Variants in CCDC88C observed in about 807,000 individuals in gnomAD.
CCDC88C encodes protein Daple.
Under a neutral mutation model 198.8 loss-of-function variants are expected in CCDC88C, and 131 were observed. The observed-to-expected ratio is 0.66, with a 90% CI of 0.57 to 0.76. CCDC88C has a LOEUF of 0.76. Among genes scored for constraint, CCDC88C ranks in the 30% least tolerant of loss-of-function variants. The pLI, the probability that CCDC88C is intolerant of heterozygous loss-of-function variation, is 0.00. For synonymous variants in CCDC88C, 1,166 were observed against 1,114.7 expected, an observed-to-expected ratio of 1.05 and a Z score of -0.92; for missense variants, 2,553 against 2,631.6, an observed-to-expected ratio of 0.97 and a Z score of 0.65.
At chr14:91,290,951 C>G in intron 24 of CCDC88C, 44 bp downstream of exon 24, 1 of 1,235,796 alleles carries the variant, frequency 8.1e-7, no homozygotes, top group Non-Finnish European at 1.2e-6. Context: ...GAAAAGGAAG[C>G]TTTTAAGTTC....
rs1893085397 is a variant in CCDC88C at position 91,337,196 on chromosome 14, C to G, written c.1050+809G>C. 2.6e-5 allele frequency among the ~76,000 whole-genome samples: 4 copies of G among 152,288 alleles called. No homozygotes were observed. The South Asian group carries it at 8.3e-4, about 32-fold the overall frequency. On this transcript the variant is annotated intron_variant, in intron 10 of 29. Transcript: ENST00000389857. Reference sequence around the variant, plus strand: ...CACCTGGGTCTGGGTCTCCATGTAGCCTTGACCCTTTCACCTACATTTTTC... The same window carrying G: ...CACCTGGGTCTGGGTCTCCATGTAGGCTTGACCCTTTCACCTACATTTTTC...
At chr14:91,362,322 C>A (rs1019891548) in intron 3 of CCDC88C, among the ~76,000 whole-genome samples, 7 of 152,128 alleles carry the variant, frequency 4.6e-5, no homozygotes, top group Non-Finnish European at 1.0e-4. Flanking sequence ...CAGCCACAAT[C>A]CCCTTTCCAA....
rs527620427 is a variant in CCDC88C at position 91,273,408 on chromosome 14, C to T, written c.5304G>A (p.Pro1768=). ...GGCTCTGGGGAGGCTGGGCCTGTCTCGGGGCCACGCTGGGTGGGGCCTCGG... is the reference window on the plus strand; with the variant it reads ...GGCTCTGGGGAGGCTGGGCCTGTCTTGGGGCCACGCTGGGTGGGGCCTCGG... ...TEAEAPPSVA[P]RQAQPPQSLS... Residue 1768 remains proline (P), a synonymous_variant, in exon 30 of 30, where the codon CCG becomes CCA. Transcript: ENST00000389857. The surrounding 1 kb of genome is among the most constrained non-coding windows in gnomAD (Gnocchi z 5.6). The T allele has an allele frequency of 2.1e-5, 33 of 1,550,536 alleles. No individual in the cohort carries two copies. The highest frequency in any genetic ancestry group is 1.7e-4 in the Middle Eastern group (1 of 5,774).
intron 22 of CCDC88C, among the ~76,000 whole-genome samples, chr14:91,295,276 T>A (rs892297079): frequency 6.6e-6 from 1 of 152,122 alleles, no homozygotes; most frequent in African/African-American, 2.4e-5. Flanking sequence ...AAAAAGGAGG[T>A]GAAGCTATGG....
At chr14:91,279,467 G>A (rs751291703) in intron 27 of CCDC88C, 161 bp from the exon 28 acceptor site, 8 of 590,518 alleles carry the variant, frequency 1.4e-5, no homozygotes, top group Non-Finnish European at 2.4e-5. Flanking sequence ...GCTCCAGTGA[G>A]GAAGCCTCAC....
Position 91,297,367 on chromosome 14 carries a change from C to T in CCDC88C, c.3904G>A (p.Glu1302Lys), listed in dbSNP as rs761146967. Residue 1302 changes from glutamate (E) to lysine (K), a missense_variant, in exon 22 of 30, where the codon GAG becomes AAG. Around this residue, in one of 2 missense-constraint regions of CCDC88C, gnomAD observed 1,293 missense variants for 1,219.6 expected, o/e 1.06. Coordinates refer to ENST00000389857, the MANE Select transcript of CCDC88C (RefSeq NM_001080414.4). ...ATGGTCTGGTGCTGCTCCTTCAGCT[C>T]GTCGAAGCGGGCCTGCCAGCGGTTG... ...ELNRWQARFDELKEQHQTMDI... is the reference protein window; with the variant it reads ...ELNRWQARFDKLKEQHQTMDI... 3.2e-5 allele frequency: 51 copies of T among 1,613,670 alleles called. No individual in the cohort carries two copies. The highest frequency in any genetic ancestry group is 4.2e-5 in the Non-Finnish European group (50 of 1,179,784).
rs78570354 is a variant in CCDC88C at position 91,289,171 on chromosome 14, C to T, written c.4375G>A (p.Asp1459Asn). Residue 1459 changes from aspartate (D) to asparagine (N), a missense_variant, in exon 25 of 30, where the codon GAC becomes AAC. Transcript: ENST00000389857. Reference protein sequence around the residue: ...QPLRSQAENPDTPALGSNCAE... With the variant: ...QPLRSQAENPNTPALGSNCAE... ...CAGTTGGAGCCCAGTGCGGGGGTGTCGGGGTTCTCGGCCTGTGATCTGAGC... is the reference window on the plus strand; with the variant it reads ...CAGTTGGAGCCCAGTGCGGGGGTGTTGGGGTTCTCGGCCTGTGATCTGAGC... 239 of 1,613,672 alleles carry T rather than the reference C, an allele frequency of 1.5e-4. 1 individual carries two copies. The East Asian group carries it at 4.8e-3, about 32-fold the overall frequency.
At chr14:91,401,963 C>A (rs1371039535) in intron 3 of CCDC88C, among the ~76,000 whole-genome samples, 2 of 152,124 alleles carry the variant, frequency 1.3e-5, no homozygotes, top group Non-Finnish European at 2.9e-5. Context: ...GTCAAATGGA[C>A]ATTTCCTTCT....
At position 91,297,408 on chromosome 14, in the gene CCDC88C, T is replaced by C; in HGVS notation, c.3863A>G (p.Asn1288Ser). Reference protein sequence around the residue: ...HTKELKTSLNNAQLELNRWQA... With the variant: ...HTKELKTSLNSAQLELNRWQA... ...CCAGCGGTTGAGCTCCAGCTGCGCG[T>C]TGTTCAGTGAGGTTTTCAGCTCCTT... is the stretch of plus-strand genomic sequence containing the variant. Residue 1288 changes from asparagine to serine, a missense_variant, in exon 22 of 30, where the codon AAC becomes AGC. Asn to Ser is a conservative substitution (Grantham distance 46, BLOSUM62 1). Around this residue, in one of 2 missense-constraint regions of CCDC88C, gnomAD observed 1,293 missense variants for 1,219.6 expected, o/e 1.06. Coordinates refer to ENST00000389857, the MANE Select transcript of CCDC88C (RefSeq NM_001080414.4). The C allele has an allele frequency of 6.2e-7, 1 of 1,611,198 alleles. No individual in the cohort carries two copies. The highest frequency in any genetic ancestry group is 8.5e-7 in the Non-Finnish European group (1 of 1,178,732).
chr14:91,370,737 G>A (rs1443554141), intron 3 of CCDC88C, among the ~76,000 whole-genome samples: 3 of 152,192 alleles, frequency 2.0e-5, no homozygotes, highest in Non-Finnish European at 4.4e-5. Flanking sequence ...GGAGGGGAAG[G>A]CGGGTCAGTA....
Position 91,279,228 on chromosome 14 carries a change from C to T in CCDC88C, c.4768+10G>A. On this transcript the variant is annotated intron_variant, in intron 28 of 29. Coordinates refer to ENST00000389857, the MANE Select transcript of CCDC88C (RefSeq NM_001080414.4). ...CAATTTTTAAAAGTACACAGAAGCACAAGACTTACCTTTTAGGTTAAGAGG... is the reference window on the plus strand; with the variant it reads ...CAATTTTTAAAAGTACACAGAAGCATAAGACTTACCTTTTAGGTTAAGAGG... The T allele has an allele frequency of 1.3e-6, 2 of 1,583,288 alleles. No homozygotes were observed. The highest frequency in any genetic ancestry group is 1.7e-6 in the Non-Finnish European group (2 of 1,162,450).
chr14:91,362,233 C>CA (rs796522324), intron 3 of CCDC88C, among the ~76,000 whole-genome samples: 9,136 of 113,404 alleles, frequency 0.081, 336 homozygotes, highest in South Asian at 0.12. Flanking sequence ...GATTCTGTCT[C>CA]AAAAAAAAAA....
chr14:91,357,764 C>T (rs1894105876), intron 4 of CCDC88C, among the ~76,000 whole-genome samples: 1 of 152,246 alleles, frequency 6.6e-6, no homozygotes, highest in South Asian at 2.1e-4. Flanking sequence ...TCATGAGAGT[C>T]CCCCGGTCCC....
chr14:91,334,190 C>T (rs1374573183), intron 10 of CCDC88C, among the ~76,000 whole-genome samples: 1 of 152,204 alleles, frequency 6.6e-6, no homozygotes, highest in East Asian at 1.9e-4. Flanking sequence ...ATACCTCGTA[C>T]TTGGGTCTTT....
At chr14:91,336,766 A>G (rs1596083957) in intron 10 of CCDC88C, among the ~76,000 whole-genome samples, 1 of 152,200 alleles carries the variant, frequency 6.6e-6, no homozygotes, top group African/African-American at 2.4e-5. Flanking sequence ...AGGAACAGAC[A>G]GGTCCTCGCC....
intron 3 of CCDC88C, among the ~76,000 whole-genome samples, chr14:91,406,895 C>T (rs558560707): frequency 5.3e-5 from 8 of 152,354 alleles, no homozygotes; most frequent in African/African-American, 1.9e-4. Context: ...CACAGGCTCC[C>T]ACACCAGCCC....
rs61988411 is a variant in CCDC88C, at chr14:91,373,696, G to A, written c.271-13985C>T. Among the ~76,000 whole-genome samples, 94 of 152,298 alleles carry A rather than the reference G, an allele frequency of 6.2e-4. 1 individual carries two copies. Among genetic ancestry groups the A allele is most frequent in the Non-Finnish European group, 1.1e-3 (76 of 68,032 alleles). ...CATATCGGGACACAGTTGAAAAGCC[G>A]GGGAGGAGGAAGGTTCAGAAGTGAC... On this transcript the variant is annotated intron_variant, in intron 3 of 29. Coordinates refer to ENST00000389857, the MANE Select transcript of CCDC88C (RefSeq NM_001080414.4).
In CCDC88C at chr14:91,342,466, G is replaced by C; in HGVS notation, c.400-3C>G. On this transcript the variant is annotated splice_polypyrimidine_tract_variant and splice_region_variant and intron_variant, in intron 5 of 29. Coordinates refer to ENST00000389857, the MANE Select transcript of CCDC88C (RefSeq NM_001080414.4). ...ATGAACTCCTCTTTCCTCTCACACT[G>C]CGGAGGGTTACATGTGTTAATGGAA... The C allele has an allele frequency of 6.4e-7, 1 of 1,571,814 alleles. No individual in the cohort carries two copies. The highest frequency in any genetic ancestry group is 8.7e-7 in the Non-Finnish European group (1 of 1,153,386).
intron 4 of CCDC88C, among the ~76,000 whole-genome samples, chr14:91,357,267 A>G (rs1894078294): frequency 6.6e-6 from 1 of 152,146 alleles, no homozygotes; most frequent in Non-Finnish European, 1.5e-5. Flanking sequence ...TAATTAACTA[A>G]TTAAAGATGG....
Sources: allele counts gnomAD v4.1 joint callset (sites outside exome capture counted in the v4.1 genomes callset), GRCh38; gene constraint gnomAD v4.1.1; regional missense constraint gnomAD v4.1.1; non-coding constraint Gnocchi (gnomAD v3.1); transcripts MANE v1.5; gene names NCBI Gene and HGNC (gene_info 2026-07-23, HGNC 2026-07-21).